The following SMIM7 variants were observed in gnomAD, a reference collection of about 807,000 sequenced individuals.
The protein encoded by SMIM7 is UPF0608 protein C19orf42.
Under a neutral mutation model 13.3 loss-of-function variants are expected in SMIM7, and 12 were observed. That is an observed-to-expected ratio of 0.90 (90% CI 0.58 to 1.46). The LOEUF is 1.46. Among genes scored for constraint, SMIM7 ranks in the 40% most tolerant of loss-of-function variants. The pLI, the probability that SMIM7 is intolerant of heterozygous loss-of-function variation, is 0.00. For synonymous variants in SMIM7, 36 were observed against 35.8 expected (o/e 1.01, Z -0.02); for missense variants, 114 against 94.8 (o/e 1.20, Z -0.84).
At chr19:16,659,509 C>T in intron 2 of SMIM7, 62 bp from the exon 3 acceptor site, 6 of 1,540,492 alleles carry the variant, frequency 3.9e-6, no homozygotes, top group African/African-American at 1.4e-5. Flanking sequence ...GCCCCCTGAC[C>T]CCCAGCTCAG....
Position 16,659,439 on chromosome 19 carries a change from T to A in SMIM7, c.77A>T (p.Lys26Met). The change falls in exon 3 of 5, where the codon AAG (lysine) becomes ATG (methionine). Residue 26 changes from lysine (K) to methionine (M), a missense_variant. Transcript: ENST00000487416. ...GAVLNFKLKKKDTQGFGEESR... is the reference protein window; with the variant it reads ...GAVLNFKLKKMDTQGFGEESR... ...CTCCTCCCCAAAGCCCTGCGTGTCC[T>A]TCTTTTTCCTACAAAGAGGAGCAGA... 1 of 1,613,400 alleles carries A rather than the reference T, an allele frequency of 6.2e-7. No individual in the cohort carries two copies. Among genetic ancestry groups the A allele is most frequent in the Non-Finnish European group, 8.5e-7 (1 of 1,179,758 alleles).
intron 3 of SMIM7, among the ~76,000 whole-genome samples, chr19:16,655,063 C>T (rs2086578910): frequency 6.6e-6 from 1 of 152,142 alleles, no homozygotes. Flanking sequence ...CAACTCCAAC[C>T]CCAACCCTAA....
At chr19:16,644,836 G>C (rs932093670), downstream of SMIM7, 2 of 152,228 alleles carry the variant, frequency 1.3e-5, no homozygotes, top group African/African-American at 4.8e-5. Flanking sequence ...GATACCCACA[G>C]CAACAGGTGC....
chr19:16,653,900 A>G lies in SMIM7; in HGVS notation c.212+135T>C. On this transcript the variant is annotated intron_variant, in intron 4 of 4. Transcript: ENST00000487416. ...ACAGAGCAAGATTCCATCTCAAACAAAACAAAAAATAAAGAAAACAGAAAC... is the reference window on the plus strand; with the variant it reads ...ACAGAGCAAGATTCCATCTCAAACAGAACAAAAAATAAAGAAAACAGAAAC... 6 of 758,916 alleles carry G rather than the reference A, an allele frequency of 7.9e-6. No homozygotes were observed. In the South Asian group the frequency reaches 1.2e-4, roughly 15 times the overall value. The allele number at this position is 758,916 out of a possible 1,614,324, so 47.0% of individuals were successfully genotyped here. A position where few individuals can be genotyped will look rare whatever the true frequency, so the allele number is the denominator to read the frequency against.
chr19:16,655,180 C>A (rs533415349), intron 3 of SMIM7: 105 of 372,958 alleles, frequency 2.8e-4, no homozygotes, highest in South Asian at 2.0e-3. Context: ...GTGTTTGTAA[C>A]TGAAAGCATC....
chr19:16,652,870 A>C, intron 4 of SMIM7: 2 of 1,550,436 alleles, frequency 1.3e-6, no homozygotes, highest in Non-Finnish European at 1.7e-6. Flanking sequence ...TCCTAAATCC[A>C]TTTACAGCAA....
chr19:16,649,278 G>C (rs940186014), intron 4 of SMIM7, among the ~76,000 whole-genome samples: 4 of 151,938 alleles, frequency 2.6e-5, no homozygotes, highest in East Asian at 3.9e-4. Context: ...CCTGGCCAAC[G>C]TGGTAAAACC....
At chr19:16,649,255 A>G (rs954545975) in intron 4 of SMIM7, among the ~76,000 whole-genome samples, 2 of 152,050 alleles carry the variant, frequency 1.3e-5, no homozygotes, top group African/African-American at 2.4e-5. Context: ...TGAGGTCTGG[A>G]GTTCGAGACC....
rs752894428 is a variant in SMIM7, at chr19:16,660,104, C to T, written c.7G>A (p.Gly3Arg). 1 of 1,614,192 alleles carries T rather than the reference C, an allele frequency of 6.2e-7. No individual in the cohort carries two copies. Among genetic ancestry groups the T allele is most frequent in the Non-Finnish European group, 8.5e-7 (1 of 1,180,042 alleles). The change falls in exon 1 of 5, where the codon GGA (glycine) becomes AGA (arginine). Residue 3 changes from glycine (G) to arginine (R), a missense_variant. Coordinates refer to ENST00000487416, the MANE Select transcript of SMIM7 (RefSeq NM_024104.4). MI[G>R]DILLFGTLLM... ...AATTACCCGAACAGCAGGATGTCTCCGATCATCGTTACGGCCGAAGCGTCC... is the reference window on the plus strand; with the variant it reads ...AATTACCCGAACAGCAGGATGTCTCTGATCATCGTTACGGCCGAAGCGTCC...
At chr19:16,659,793 G>T in intron 2 of SMIM7, 166 bp downstream of exon 2, 1 of 865,826 alleles carries the variant, frequency 1.2e-6, no homozygotes, top group Non-Finnish European at 1.8e-6. Context: ...CTCTCGGGGG[G>T]TGGGGGGCGA....
Position 16,646,482 on chromosome 19 carries a change from G to T in SMIM7, c.*764C>A. ...AACCTCAAAATCACCTACTCAAAAA[G>T]CAGACTCAGAAACCCAAGGTTTTAG... On this transcript the variant is annotated 3_prime_UTR_variant, in exon 5 of 5. Coordinates refer to ENST00000487416, the MANE Select transcript of SMIM7 (RefSeq NM_024104.4). 6.5e-6 allele frequency: 1 copy of T among 153,484 alleles called. No individual in the cohort carries two copies. The allele number at this position is 153,484 out of a possible 1,614,324, so 9.5% of individuals were successfully genotyped here.
chr19:16,647,150 G>A lies in SMIM7; in HGVS notation c.*96C>T, dbSNP rs11555680. 5.6e-5 allele frequency: 86 copies of A among 1,539,616 alleles called. No individual in the cohort carries two copies. The highest frequency in any genetic ancestry group is 3.4e-4 in the Middle Eastern group (2 of 5,920). On this transcript the variant is annotated 3_prime_UTR_variant, in exon 5 of 5. Coordinates refer to ENST00000487416, the MANE Select transcript of SMIM7 (RefSeq NM_024104.4). ...GCTTGGACTTTCTGGGAAGGTTGTCGGTTTTCTGGTCAAAAACATTCTTGA... is the reference window on the plus strand; with the variant it reads ...GCTTGGACTTTCTGGGAAGGTTGTCAGTTTTCTGGTCAAAAACATTCTTGA...
chr19:16,659,748 G>T, intron 2 of SMIM7: 1 of 687,110 alleles, frequency 1.5e-6, no homozygotes, highest in Non-Finnish European at 2.5e-6. Flanking sequence ...GTGAACAGAG[G>T]GACAACCAAG....
rs543013782 is a variant in SMIM7, at chr19:16,660,011, A to G, written c.27-11T>C. On this transcript the variant is annotated splice_polypyrimidine_tract_variant and intron_variant, in intron 1 of 4. Coordinates refer to ENST00000487416, the MANE Select transcript of SMIM7 (RefSeq NM_024104.4). ...TTCATCAGCAACGTCCTGCAGAGGG[A>G]GAATTACAGTTACTAGGGGCGCCCC... 1 of 1,614,034 alleles carries G rather than the reference A, an allele frequency of 6.2e-7. No individual in the cohort carries two copies. The highest frequency in any genetic ancestry group is 8.5e-7 in the Non-Finnish European group (1 of 1,179,996).
rs909268952 is a variant in SMIM7, at chr19:16,653,956, G to A, written c.212+79C>T. On this transcript the variant is annotated intron_variant, in intron 4 of 4. Transcript: ENST00000487416. ...TACAAGAGTGATGACTGAAAAGACA[G>A]AGAATGACCATCAGGTGGGTCACCC... 5 of 1,104,060 alleles carry A rather than the reference G, an allele frequency of 4.5e-6. No homozygotes were observed. The African/African-American group carries it at 6.3e-5, about 14-fold the overall frequency. 68.4% of individuals were successfully genotyped at this position (1,104,060 alleles called of 1,614,324 possible).
At chr19:16,635,489 A>G (rs2086351943) in intron 4 of SMIM7, among the ~76,000 whole-genome samples, 1 of 152,024 alleles carries the variant, frequency 6.6e-6, no homozygotes, top group Non-Finnish European at 1.5e-5. Flanking sequence ...AAAACCAACT[A>G]GGAGGGTGGA....
At chr19:16,649,130 T>C (rs963633613) in intron 4 of SMIM7, among the ~76,000 whole-genome samples, 12 of 152,220 alleles carry the variant, frequency 7.9e-5, no homozygotes, top group Admixed American at 7.2e-4. Context: ...AGGCTGCAGG[T>C]AGGAATGTAA....
At chr19:16,657,216 A>G (rs1220096141) in intron 3 of SMIM7, among the ~76,000 whole-genome samples, 1 of 152,214 alleles carries the variant, frequency 6.6e-6, no homozygotes, top group Non-Finnish European at 1.5e-5. Flanking sequence ...CAGCTCCCAC[A>G]GGGGAAGCAG....
intron 4 of SMIM7, chr19:16,635,388 C>T: frequency 6.6e-6 from 1 of 151,694 alleles, no homozygotes; most frequent in Admixed American, 6.6e-5. Flanking sequence ...AAAGTCCAGC[C>T]CAGAGCTCAG....
Sources: allele counts gnomAD v4.1 joint callset (sites outside exome capture counted in the v4.1 genomes callset), GRCh38; gene constraint gnomAD v4.1.1; transcripts MANE v1.5; gene names NCBI Gene and HGNC (gene_info 2026-07-23, HGNC 2026-07-21).